Variants in SH3BP2 observed in about 807,000 individuals in gnomAD.
SH3BP2 encodes SH3 domain binding protein 2, also known as SH3 domain-binding protein 2.
In SH3BP2, 38 loss-of-function variants were observed where a neutral mutation model predicts 56.2. The observed-to-expected ratio is 0.68, with a 90% confidence interval of 0.52 to 0.89. The LOEUF is 0.89. Among genes scored for constraint, SH3BP2 ranks in the 40% least tolerant of loss-of-function variants. The pLI is 0.00. For synonymous variants in SH3BP2, 346 were observed against 316.7 expected (o/e 1.09, Z -0.98); for missense variants, 748 against 762.6 (o/e 0.98, Z 0.23).
At chr4:2,812,409 G>A (rs1332140245) in intron 1 of SH3BP2, 2 of 1,550,268 alleles carry the variant, frequency 1.3e-6, no homozygotes, top group African/African-American at 2.7e-5. Flanking sequence ...TGGCCTCCCT[G>A]GGCCCCAGGA....
chr4:2,806,678 A>G (rs951915419), intron 1 of SH3BP2, among the ~76,000 whole-genome samples: 2 of 152,010 alleles, frequency 1.3e-5, no homozygotes, highest in African/African-American at 4.8e-5. Flanking sequence ...TCCTCCCTCC[A>G]GCCAGTGTAC....
chr4:2,829,911 G>A lies in SH3BP2; in HGVS notation c.1005G>A (p.Lys335=), dbSNP rs1409775615. The change falls in exon 8 of 13, where the codon AAG becomes AAA. Residue 335 remains lysine (K), a synonymous_variant. Transcript: ENST00000503393. This position sits in a 1 kb window ranked among gnomAD's most constrained non-coding sequence, Gnocchi z 4.9. The part of the protein sequence containing the change: ...TATSRNCDKL[K]SFHLSPRGPP... ...CCTCCAGAAACTGTGACAAACTCAA[G>A]TCCTTCCACCTGTCCCCCCGAGGAC... 3 of 1,613,890 alleles carry A rather than the reference G, an allele frequency of 1.9e-6. No individual in the cohort carries two copies. The highest frequency in any genetic ancestry group is 1.7e-5 in the Admixed American group (1 of 60,030).
chr4:2,793,398 C>G (rs1364080759), intron 1 of SH3BP2, among the ~76,000 whole-genome samples: 1 of 148,152 alleles, frequency 6.7e-6, no homozygotes, highest in Non-Finnish European at 1.5e-5. Context: ...GGGCGGGTGT[C>G]GGGGGTCTCG....
At position 2,829,086 on chromosome 4, in the gene SH3BP2, C is replaced by A. The variant is rs1350615283; in HGVS notation, c.587-407C>A. 1.3e-5 allele frequency among the ~76,000 whole-genome samples: 2 copies of A among 152,184 alleles called. No homozygotes were observed. Among genetic ancestry groups the A allele is most frequent in the Non-Finnish European group, 2.9e-5 (2 of 68,032 alleles). ...CCCAGCTTTCTGGATATGTTCTGAG[C>A]AAACACGGGCCTTCACCTTCCTCCC... On this transcript the variant is annotated intron_variant, in intron 7 of 12. Transcript: ENST00000503393. This position sits in a 1 kb window ranked among gnomAD's most constrained non-coding sequence, Gnocchi z 4.9.
chr4:2,826,454 CTG>C (rs1350219992), intron 5 of SH3BP2: 11 of 162,678 alleles, frequency 6.8e-5, no homozygotes, highest in Admixed American at 2.5e-4. Context: ...GCGTGTTGCT[CTG>C]TGTGTGTGCA....
intron 1 of SH3BP2, among the ~76,000 whole-genome samples, chr4:2,798,788 G>A (rs9994090): frequency 2.2e-4 from 34 of 152,214 alleles, no homozygotes; most frequent in Admixed American, 2.2e-3. Context: ...GGCCTCAGGC[G>A]TTCCCAGGCT....
chr4:2,806,234 C>T lies in SH3BP2; in HGVS notation c.-5+13096C>T, dbSNP rs139773449. ...GAGCCACTGGGTGGGGCAGGACTGC[C>T]GCCCCTCTCGGGACCCTGCGGGGCT... On this transcript the variant is annotated intron_variant, in intron 1 of 12. Coordinates refer to ENST00000503393, the MANE Select transcript of SH3BP2 (RefSeq NM_001122681.2). 3.7e-3 allele frequency among the ~76,000 whole-genome samples: 556 copies of T among 152,294 alleles called. 5 individuals carry two copies. Among genetic ancestry groups the T allele is most frequent in the African/African-American group, 0.012 (497 of 41,560 alleles).
At chr4:2,805,672 C>T (rs1206704486) in intron 1 of SH3BP2, among the ~76,000 whole-genome samples, 2 of 152,124 alleles carry the variant, frequency 1.3e-5, no homozygotes, top group East Asian at 1.9e-4. Context: ...GCCACAGCGT[C>T]GGGGGGTGCC....
intron 12 of SH3BP2, chr4:2,833,289 C>G: frequency 1.2e-5 from 7 of 600,782 alleles, no homozygotes. Flanking sequence ...GCCATAGACC[C>G]TGGGTTGCTT....
intron 1 of SH3BP2, among the ~76,000 whole-genome samples, chr4:2,805,994 G>A (rs1263496779): frequency 6.6e-6 from 1 of 152,226 alleles, no homozygotes; most frequent in Non-Finnish European, 1.5e-5. Context: ...GCCGGACGCT[G>A]AGCTGGGCGG....
chr4:2,820,934 A>T (rs1405324759), intron 2 of SH3BP2, among the ~76,000 whole-genome samples, 181 bp downstream of exon 2: 6 of 152,114 alleles, frequency 3.9e-5, no homozygotes, highest in African/African-American at 1.2e-4. Context: ...AGCCCCCAGG[A>T]CTGTAGCAGG....
chr4:2,809,892 C>T (rs1434422246), intron 1 of SH3BP2: 2 of 858,876 alleles, frequency 2.3e-6, no homozygotes, highest in African/African-American at 1.8e-5. Context: ...GGCACCAGCT[C>T]AGGGGCAGGG....
intron 1 of SH3BP2, among the ~76,000 whole-genome samples, chr4:2,797,056 G>T (rs377202043): frequency 2.0e-5 from 3 of 152,292 alleles, no homozygotes; most frequent in African/African-American, 7.2e-5. Context: ...TGTGTGAATG[G>T]GCAGCTCCGT....
chr4:2,804,024 C>T (rs1227886366), intron 1 of SH3BP2, among the ~76,000 whole-genome samples: 1 of 152,160 alleles, frequency 6.6e-6, no homozygotes, highest in Non-Finnish European at 1.5e-5. Flanking sequence ...TGGAGTGACA[C>T]TGTGCAAGAG....
rs1725172698 is a variant in SH3BP2, at chr4:2,834,783, G to A, written c.*949G>A. On this transcript the variant is annotated 3_prime_UTR_variant, in exon 13 of 13. Coordinates refer to ENST00000503393, the MANE Select transcript of SH3BP2 (RefSeq NM_001122681.2). ...AGACAGGGGCCTCTGGCCTGGCTGA[G>A]TTCACAGCCCAGTCTGGGGACAGCT... The A allele has an allele frequency of 1.3e-5, 2 of 152,366 alleles. No homozygotes were observed. Among genetic ancestry groups the A allele is most frequent in the Non-Finnish European group, 2.9e-5 (2 of 68,134 alleles). The allele number at this position is 152,366 out of a possible 1,614,324, so 9.4% of individuals were successfully genotyped here. A position where few individuals can be genotyped will look rare whatever the true frequency, so the allele number is the denominator to read the frequency against.
rs1725208512 is a variant in SH3BP2, at chr4:2,835,745, CT to C, written c.*1912del. ...GTTCAAGCGATTTTCCTGCCTCAGC[CT>C]CCCGAGTAGCTGGGATTCCAGGCGC... On this transcript the variant is annotated 3_prime_UTR_variant, in exon 13 of 13. Coordinates refer to ENST00000503393, the MANE Select transcript of SH3BP2 (RefSeq NM_001122681.2). 6.6e-6 allele frequency: 1 copy of C among 152,284 alleles called. No homozygotes were observed. The highest frequency in any genetic ancestry group is 2.4e-5 in the African/African-American group (1 of 41,464). 9.4% of individuals were successfully genotyped at this position (152,284 alleles called of 1,614,324 possible). A position where few individuals can be genotyped will look rare whatever the true frequency, so the allele number is the denominator to read the frequency against.
chr4:2,827,977 G>A (rs1230285818), intron 7 of SH3BP2, among the ~76,000 whole-genome samples: 2 of 152,164 alleles, frequency 1.3e-5, no homozygotes, highest in Non-Finnish European at 2.9e-5. Context: ...TGAGGAGCGC[G>A]CAGGCTCAGG....
chr4:2,831,900 C>T lies in SH3BP2; in HGVS notation c.1351-23C>T. ...CGGGTGGATCACTCCGACGTTGGCA[C>T]TGACACCGTCAGCCTCTTGCAGGTG... is the stretch of plus-strand genomic sequence containing the variant. On this transcript the variant is annotated intron_variant, in intron 9 of 12. Coordinates refer to ENST00000503393, the MANE Select transcript of SH3BP2 (RefSeq NM_001122681.2). This position sits in a 1 kb window ranked among gnomAD's most constrained non-coding sequence, Gnocchi z 4.1. The T allele has an allele frequency of 6.2e-7, 1 of 1,611,540 alleles. No homozygotes were observed. The highest frequency in any genetic ancestry group is 1.1e-5 in the South Asian group (1 of 91,038).
intron 12 of SH3BP2, chr4:2,833,293 G>A (rs1725099350): frequency 5.0e-6 from 3 of 599,024 alleles, no homozygotes; most frequent in Non-Finnish European, 8.9e-6. Context: ...TAGACCCTGG[G>A]TTGCTTGTCT....
Sources: allele counts gnomAD v4.1 joint callset (sites outside exome capture counted in the v4.1 genomes callset), GRCh38; gene constraint gnomAD v4.1.1; non-coding constraint Gnocchi (gnomAD v3.1); transcripts MANE v1.5; gene names NCBI Gene and HGNC (gene_info 2026-07-23, HGNC 2026-07-21).